SDK1: variants seen among roughly 807,000 people sequenced by gnomAD.
SDK1 encodes the protein sidekick cell adhesion molecule 1, also known as protein sidekick-1.
SDK1 carries 157 observed loss-of-function variants against 245.5 expected under a neutral mutation model. The ratio of observed to expected loss-of-function variants is 0.64; its 90% CI spans 0.56 to 0.73. The LOEUF is 0.73. Among genes scored for constraint, SDK1 ranks in the 30% least tolerant of loss-of-function variants. The pLI is 0.00. For synonymous variants in SDK1, 1,647 were observed against 1,278.5 expected (o/e 1.29, Z -6.15); for missense variants, 3,583 against 3,002.3 (o/e 1.19, Z -4.52).
intron 1 of SDK1, among the ~76,000 whole-genome samples, chr7:3,529,935 A>T (rs1424619776): frequency 6.6e-6 from 1 of 152,130 alleles, no homozygotes; most frequent in East Asian, 1.9e-4. Context: ...TGGTTAGGGG[A>T]CGTGGCAGAG....
Position 3,361,065 on chromosome 7 carries a change from T to C in SDK1, c.298+59181T>C, listed in dbSNP as rs929639814. On this transcript the variant is annotated intron_variant, in intron 1 of 44. Transcript: ENST00000404826. Reference sequence around the variant, plus strand: ...TGAAATTTAAAGTGACAGACTGTTGTACTTTAAAAACCGTATTGATCAAAT... The same window carrying C: ...TGAAATTTAAAGTGACAGACTGTTGCACTTTAAAAACCGTATTGATCAAAT... Among the ~76,000 whole-genome samples the C allele has an allele frequency of 3.9e-5, 6 of 152,208 alleles. No homozygotes were observed. The South Asian group carries it at 1.0e-3, about 26-fold the overall frequency.
At chr7:3,602,294 A>G (rs1781278222) in intron 1 of SDK1, among the ~76,000 whole-genome samples, 1 of 151,164 alleles carries the variant, frequency 6.6e-6, no homozygotes, top group Non-Finnish European at 1.5e-5. Flanking sequence ...AGTCCCACCA[A>G]CAGTGTAAAA....
intron 4 of SDK1, among the ~76,000 whole-genome samples, chr7:3,745,821 G>T (rs1253306494): frequency 6.6e-6 from 1 of 152,118 alleles, no homozygotes; most frequent in Non-Finnish European, 1.5e-5. Context: ...ATTTGCAAAT[G>T]ATATGTTTAT....
At chr7:4,002,432 A>C (rs1423460708) in intron 14 of SDK1, among the ~76,000 whole-genome samples, 1 of 152,202 alleles carries the variant, frequency 6.6e-6, no homozygotes, top group East Asian at 1.9e-4. Flanking sequence ...CCTTCCACCA[A>C]ACTAATCTCA....
chr7:3,420,707 T>C (rs1779511641), intron 1 of SDK1, among the ~76,000 whole-genome samples: 1 of 152,232 alleles, frequency 6.6e-6, no homozygotes, highest in Non-Finnish European at 1.5e-5. Flanking sequence ...TTTAACATAA[T>C]GAGAATCTTT....
In SDK1 at chr7:4,257,158, T is replaced by C. The variant is rs186411876; in HGVS notation, c.6382-7966T>C. 1.9e-4 allele frequency among the ~76,000 whole-genome samples: 29 copies of C among 152,344 alleles called. No individual in the cohort carries two copies. The East Asian group carries it at 4.6e-3, about 24-fold the overall frequency. Reference sequence around the variant, plus strand: ...CAAAATCCCTCCTGCTCCCACCAGCTTAGACCAACCCCATCGTACCCAATT... The same window carrying C: ...CAAAATCCCTCCTGCTCCCACCAGCCTAGACCAACCCCATCGTACCCAATT... On this transcript the variant is annotated intron_variant, in intron 44 of 44. Transcript: ENST00000404826.
chr7:4,036,387 G>A (rs1443357992), intron 17 of SDK1, among the ~76,000 whole-genome samples: 2 of 152,162 alleles, frequency 1.3e-5, no homozygotes, highest in Non-Finnish European at 1.5e-5. Flanking sequence ...TTAATATCAG[G>A]TATTTCAAAA....
At chr7:3,330,086 T>A (rs1780031854) in intron 1 of SDK1, among the ~76,000 whole-genome samples, 1 of 152,198 alleles carries the variant, frequency 6.6e-6, no homozygotes, top group Admixed American at 6.5e-5. Context: ...CACCTTTTTT[T>A]TCCCATTTAC....
At chr7:3,397,845 C>T (rs943326957) in intron 1 of SDK1, among the ~76,000 whole-genome samples, 1 of 151,994 alleles carries the variant, frequency 6.6e-6, no homozygotes, top group East Asian at 1.9e-4. Context: ...TCCATTAGAG[C>T]TTTTGGCATA....
intron 13 of SDK1, 106 bp from the exon 14 acceptor site, chr7:3,987,080 T>C (rs568803032): frequency 9.0e-7 from 1 of 1,116,490 alleles, no homozygotes; most frequent in East Asian, 2.4e-5. Flanking sequence ...ATGTTATTCA[T>C]TTCCCAAACA....
chr7:4,176,325 C>A (rs1252687144), intron 34 of SDK1, among the ~76,000 whole-genome samples: 3 of 151,998 alleles, frequency 2.0e-5, no homozygotes, highest in East Asian at 1.9e-4. Context: ...CCATGCCTGG[C>A]TAATTGTGTT....
intron 5 of SDK1, among the ~76,000 whole-genome samples, chr7:3,846,313 G>C (rs1425124940): frequency 2.6e-5 from 4 of 152,174 alleles, no homozygotes; most frequent in Admixed American, 6.5e-5. Context: ...TATGTTTATT[G>C]CATGAAAATA....
At chr7:4,032,919 TC>T (rs1787935193) in intron 17 of SDK1, among the ~76,000 whole-genome samples, 1 of 152,190 alleles carries the variant, frequency 6.6e-6, no homozygotes, top group African/African-American at 2.4e-5. Flanking sequence ...TGTCACATGA[TC>T]CCCAATAAAA....
At chr7:3,726,294 C>G (rs1303136493) in intron 4 of SDK1, among the ~76,000 whole-genome samples, 1 of 152,194 alleles carries the variant, frequency 6.6e-6, no homozygotes, top group African/African-American at 2.4e-5. Flanking sequence ...TCACTCAAAT[C>G]TGTTAATTCT....
rs10667421 is a variant in SDK1 at position 3,391,635 on chromosome 7, A to ATT, written c.298+89769_298+89770dup. Among the ~76,000 whole-genome samples, 1,178 of 130,312 alleles carry ATT rather than the reference A, an allele frequency of 9.0e-3. 13 individuals are homozygous for ATT. The highest frequency in any genetic ancestry group is 0.011 in the Non-Finnish European group (651 of 61,874). 85.5% of individuals were successfully genotyped at this position (130,312 alleles called of 152,430 possible). On this transcript the variant is annotated intron_variant, in intron 1 of 44. Coordinates refer to ENST00000404826, the MANE Select transcript of SDK1 (RefSeq NM_152744.4). ...GTATATACATGTATCCTGTTAACTG[A>ATT]TTTTTTTTTTTTTTTTTTTGAGACA...
At chr7:3,959,268 C>T (rs539489276) in intron 8 of SDK1, among the ~76,000 whole-genome samples, 23 of 152,170 alleles carry the variant, frequency 1.5e-4, no homozygotes, top group Non-Finnish European at 2.6e-4. Flanking sequence ...CCACATCTAC[C>T]CCAGACAGAG....
chr7:4,171,367 G>A (rs1781827618), intron 32 of SDK1, among the ~76,000 whole-genome samples: 1 of 152,254 alleles, frequency 6.6e-6, no homozygotes, highest in African/African-American at 2.4e-5. Flanking sequence ...AAGGCAAGCA[G>A]CGCCGGGGAG....
chr7:3,687,344 G>T lies in SDK1; in HGVS notation c.713+45239G>T, dbSNP rs181081204. On this transcript the variant is annotated intron_variant, in intron 4 of 44. Coordinates refer to ENST00000404826, the MANE Select transcript of SDK1 (RefSeq NM_152744.4). ...GGGTTTCACTATGTTGGCCAGGATA[G>T]TCTCCATCTCTTGACCTCATGATCC... 2.0e-3 allele frequency among the ~76,000 whole-genome samples: 302 copies of T among 152,052 alleles called. 1 individual carries two copies. Among genetic ancestry groups the T allele is most frequent in the African/African-American group, 6.9e-3 (285 of 41,486 alleles).
chr7:4,074,916 A>ATATATATATTTTTTT (rs1434239449), intron 20 of SDK1, among the ~76,000 whole-genome samples: 1 of 64,628 alleles, frequency 1.5e-5, no homozygotes, highest in African/African-American at 1.2e-4. Flanking sequence ...ATATATATAT[A>ATATATATATTTTTTT]TTTTTTTTTT....
Sources: allele counts gnomAD v4.1 joint callset (sites outside exome capture counted in the v4.1 genomes callset), GRCh38; gene constraint gnomAD v4.1.1; transcripts MANE v1.5; gene names NCBI Gene and HGNC (gene_info 2026-07-23, HGNC 2026-07-21).